C11orf65: variants seen among roughly 807,000 people sequenced by gnomAD.
The protein encoded by C11orf65 is protein MFI.
C11orf65 carries 38 observed loss-of-function variants against 35.3 expected under a neutral mutation model. That is an observed-to-expected ratio of 1.08 (90% CI 0.83 to 1.41). C11orf65 has a LOEUF of 1.41. Among genes scored for constraint, C11orf65 ranks in the 40% most tolerant of loss-of-function variants. The pLI, the probability that C11orf65 is intolerant of heterozygous loss-of-function variation, is 0.00. For missense variants in C11orf65, 370 were observed against 367.1 expected (o/e 1.01, Z -0.06); for synonymous variants, 105 against 114.4 (o/e 0.92, Z 0.53).
intron 3 of C11orf65, among the ~76,000 whole-genome samples, chr11:108,417,103 C>T (rs553803394): frequency 7.9e-5 from 12 of 152,104 alleles, no homozygotes; most frequent in African/African-American, 2.9e-4. Context: ...TGAAAAAGAA[C>T]GTAGAACGTC....
chr11:108,321,261 C>A (rs2136236987), intron 6 of C11orf65: 1 of 1,612,416 alleles, frequency 6.2e-7, no homozygotes, highest in Non-Finnish European at 8.5e-7. Flanking sequence ...CTGAAAACCT[C>A]TTCTTTATTT....
chr11:108,330,195 CTTAA>C, downstream of C11orf65: 1 of 1,609,252 alleles, frequency 6.2e-7, no homozygotes, highest in Non-Finnish European at 8.5e-7. Context: ...TGTGTTTTAC[CTTAA>C]TTATTCTATG....
intron 6 of C11orf65, among the ~76,000 whole-genome samples, chr11:108,323,390 G>T (rs999965429): frequency 1.3e-5 from 2 of 152,166 alleles, no homozygotes; most frequent in Admixed American, 1.3e-4. Flanking sequence ...GTAACCAGAG[G>T]CAGGGAAGGG....
intron 2 of C11orf65, among the ~76,000 whole-genome samples, chr11:108,442,676 T>A (rs1591566905): frequency 1.3e-5 from 2 of 152,220 alleles, no homozygotes; most frequent in African/African-American, 4.8e-5. Context: ...ATATTCAACA[T>A]TCTTAAAGAA....
intron 6 of C11orf65, among the ~76,000 whole-genome samples, chr11:108,318,680 C>A (rs996999431): frequency 4.0e-5 from 6 of 151,880 alleles, no homozygotes; most frequent in Non-Finnish European, 8.8e-5. Flanking sequence ...CAGAGTGAGA[C>A]TCTGTCTCAA....
At chr11:108,372,773 T>C (rs1169793744) in intron 2 of C11orf65, among the ~76,000 whole-genome samples, 1 of 152,118 alleles carries the variant, frequency 6.6e-6, no homozygotes, top group Non-Finnish European at 1.5e-5. Context: ...GCCAGCATAC[T>C]CAAAACCAGA....
chr11:108,347,050 A>T lies in C11orf65; in HGVS notation c.227-11758T>A, dbSNP rs55923051. Reference sequence around the variant, plus strand: ...ATGTGTGCCTATTAGTAAAGAGAAAATTTTTTTAGCAAATCATCTAGGATT... The same window carrying T: ...ATGTGTGCCTATTAGTAAAGAGAAATTTTTTTTAGCAAATCATCTAGGATT... On this transcript the variant is annotated intron_variant, in intron 2 of 3. Transcript: ENST00000524755. Among the ~76,000 whole-genome samples, 2,573 of 152,200 alleles carry T rather than the reference A, an allele frequency of 0.017. 66 individuals are homozygous for T. The highest frequency in any genetic ancestry group is 0.058 in the African/African-American group (2,428 of 41,522).
At chr11:108,440,784 T>C (rs997989881) in intron 2 of C11orf65, among the ~76,000 whole-genome samples, 1 of 152,150 alleles carries the variant, frequency 6.6e-6, no homozygotes, top group African/African-American at 2.4e-5. Flanking sequence ...CCTATTTTAG[T>C]GGTTTTAATG....
intron 2 of C11orf65, chr11:108,367,597 G>A: frequency 4.8e-6 from 1 of 208,022 alleles, no homozygotes; most frequent in Non-Finnish European, 9.8e-6. Context: ...ACAAATGGGT[G>A]ATTGAGCTTT....
At chr11:108,453,297 T>C (rs2093374496) in intron 2 of C11orf65, among the ~76,000 whole-genome samples, 1 of 150,260 alleles carries the variant, frequency 6.7e-6, no homozygotes, top group South Asian at 2.1e-4. Context: ...ACTAACAATA[T>C]TTAATTACCA....
chr11:108,426,100 C>T (rs534952029), intron 3 of C11orf65, among the ~76,000 whole-genome samples: 5 of 152,236 alleles, frequency 3.3e-5, no homozygotes, highest in South Asian at 2.1e-4. Flanking sequence ...GACAAGGATG[C>T]CCTCTCTTAC....
At chr11:108,441,747 T>C (rs2093158132) in intron 2 of C11orf65, among the ~76,000 whole-genome samples, 1 of 152,216 alleles carries the variant, frequency 6.6e-6, no homozygotes, top group African/African-American at 2.4e-5. Context: ...CCAACAGACC[T>C]GCAGCTGCGG....
rs1433064284 is a variant in C11orf65 at position 108,405,806 on chromosome 11, GATAA to G, written c.430-251_430-248del. 7.2e-5 allele frequency among the ~76,000 whole-genome samples: 11 copies of G among 152,268 alleles called. No individual in the cohort carries two copies. The East Asian group carries it at 7.7e-4, about 11-fold the overall frequency. On this transcript the variant is annotated intron_variant, in intron 5 of 8. Coordinates refer to ENST00000393084, the MANE Select transcript of C11orf65 (RefSeq NM_152587.5). ...TGAGGTGCTTAATAAGTGTTGAATG[GATAA>G]ATAAACAGATATATTCTAAGAGTGT...
At chr11:108,464,811 A>T (rs5023001) in intron 1 of C11orf65, among the ~76,000 whole-genome samples, 94,202 of 151,846 alleles carry the variant, frequency 0.62, 29,538 homozygotes, top group Middle Eastern at 0.76. Flanking sequence ...TGCTGTTGGT[A>T]TTTTTCCACA....
intron 2 of C11orf65, chr11:108,343,173 C>T (rs759233567): frequency 1.9e-6 from 3 of 1,603,812 alleles, no homozygotes; most frequent in Non-Finnish European, 2.6e-6. Flanking sequence ...TCATCAAATG[C>T]TCTTTAATGG....
intron 2 of C11orf65, among the ~76,000 whole-genome samples, chr11:108,436,164 G>T (rs893611076): frequency 7.2e-5 from 11 of 152,034 alleles, no homozygotes; most frequent in Non-Finnish European, 1.6e-4. Context: ...AAGGATGCGG[G>T]CAACTTCTAG....
chr11:108,314,876 G>A (rs541191363), intron 6 of C11orf65, among the ~76,000 whole-genome samples: 15 of 152,286 alleles, frequency 9.8e-5, no homozygotes, highest in Admixed American at 5.9e-4. Context: ...TATCAATACC[G>A]TAAGTTTATA....
At chr11:108,459,368 T>C (rs1196256716) in intron 2 of C11orf65, among the ~76,000 whole-genome samples, 1 of 152,162 alleles carries the variant, frequency 6.6e-6, no homozygotes, top group Non-Finnish European at 1.5e-5. Context: ...CTGCAGCTCT[T>C]GGTCTGCAAA....
intron 7 of C11orf65, among the ~76,000 whole-genome samples, chr11:108,389,861 A>G (rs1591443044): frequency 6.6e-6 from 1 of 151,262 alleles, no homozygotes; most frequent in African/African-American, 2.4e-5. Flanking sequence ...CGCCCGGCTA[A>G]TTTTTTATAT....
Sources: allele counts gnomAD v4.1 joint callset (sites outside exome capture counted in the v4.1 genomes callset), GRCh38; gene constraint gnomAD v4.1.1; transcripts MANE v1.5; gene names NCBI Gene and HGNC (gene_info 2026-07-23, HGNC 2026-07-21).